The following PRSS23 variants were observed in gnomAD, a reference collection of about 807,000 sequenced individuals.
PRSS23 encodes the protein serine protease 23.
PRSS23 carries 25 observed loss-of-function variants against 34.7 expected under a neutral mutation model. The observed-to-expected ratio is 0.72, with a 90% CI of 0.53 to 1.01. The LOEUF (loss-of-function observed/expected upper bound fraction) is 1.01. PRSS23 is among the 50% of genes least tolerant of loss of function. The pLI is 0.00. For missense variants in PRSS23, 445 were observed against 475.6 expected, an observed-to-expected ratio of 0.94 and a Z score of 0.60; for synonymous variants, 176 against 186.6, an observed-to-expected ratio of 0.94 and a Z score of 0.46.
chr11:86,902,083 G>A (rs1024198563), intron 2 of PRSS23, among the ~76,000 whole-genome samples: 8 of 152,132 alleles, frequency 5.3e-5, no homozygotes, highest in Non-Finnish European at 7.3e-5. Flanking sequence ...TCTACTGAAT[G>A]TCTACATAGA....
intron 2 of PRSS23, chr11:86,836,878 A>T (rs2005192): frequency 0.19 from 28,911 of 152,220 alleles, 3,083 homozygotes; most frequent in East Asian, 0.46. Flanking sequence ...GTAAACCAAC[A>T]CCCAGAACTG....
rs536098256 is a variant in PRSS23, at chr11:86,868,843, A to G, written c.206+45250A>G. 8.9e-4 allele frequency among the ~76,000 whole-genome samples: 135 copies of G among 152,082 alleles called. 2 individuals carry two copies. The highest frequency in any genetic ancestry group is 1.1e-3 in the Non-Finnish European group (74 of 68,018). The stretch of plus-strand genomic sequence containing the variant: ...CTGTTTGTTTTTGAGACAGTGTGTC[A>G]CCCTGTCACCCAGGCTGAAGTGCAG... On this transcript the variant is annotated intron_variant, in intron 2 of 2. Transcript: ENST00000533902.
chr11:86,915,704 A>G (rs2134997966), intron 2 of PRSS23, among the ~76,000 whole-genome samples: 1 of 152,056 alleles, frequency 6.6e-6, no homozygotes, highest in East Asian at 1.9e-4. Flanking sequence ...TTGACCAACT[A>G]AATTATAGAG....
chr11:86,856,388 G>A (rs1472038737), intron 2 of PRSS23, among the ~76,000 whole-genome samples: 1 of 151,140 alleles, frequency 6.6e-6, no homozygotes, highest in African/African-American at 2.4e-5. Context: ...CAGGTAATGA[G>A]ACCCAGGCCT....
At chr11:86,874,508 C>A (rs1948709539) in intron 2 of PRSS23, among the ~76,000 whole-genome samples, 1 of 152,192 alleles carries the variant, frequency 6.6e-6, no homozygotes. Context: ...GACCATCCGC[C>A]AGTCATGCTG....
At position 86,881,167 on chromosome 11, in the gene PRSS23, T is replaced by C. The variant is rs572318839; in HGVS notation, c.206+57574T>C. ...AGTCTTTCACCTATTAAGTAGGATATTAACTGTGAGTTTTTGCTAGATTTC... is the reference window on the plus strand; with the variant it reads ...AGTCTTTCACCTATTAAGTAGGATACTAACTGTGAGTTTTTGCTAGATTTC... On this transcript the variant is annotated intron_variant, in intron 2 of 2. Coordinates refer to the PRSS23 transcript ENST00000533902. 5.3e-5 allele frequency among the ~76,000 whole-genome samples: 8 copies of C among 152,232 alleles called. No homozygotes were observed. The South Asian group carries it at 1.7e-3, about 32-fold the overall frequency.
chr11:86,873,697 A>C (rs1439168158), intron 2 of PRSS23, among the ~76,000 whole-genome samples: 1 of 152,168 alleles, frequency 6.6e-6, no homozygotes, highest in Non-Finnish European at 1.5e-5. Flanking sequence ...AAAGTAAGTA[A>C]ACACCTCACT....
chr11:86,906,002 A>ATT (rs57066770), intron 2 of PRSS23, among the ~76,000 whole-genome samples: 24,802 of 149,974 alleles, frequency 0.17, 2,221 homozygotes, highest in African/African-American at 0.24. Context: ...TCACTCATTC[A>ATT]CTCATTCATT....
At chr11:86,888,865 T>C (rs1378201652) in intron 2 of PRSS23, among the ~76,000 whole-genome samples, 3 of 152,264 alleles carry the variant, frequency 2.0e-5, no homozygotes, top group African/African-American at 7.2e-5. Context: ...AAAAGTTTTC[T>C]GGTTCCTAGC....
intron 2 of PRSS23, among the ~76,000 whole-genome samples, chr11:86,929,711 T>G (rs1168807578): frequency 6.6e-6 from 1 of 152,238 alleles, no homozygotes; most frequent in African/African-American, 2.4e-5. Flanking sequence ...CTTCAAGTGT[T>G]CTCACACTCA....
chr11:86,807,574 G>A, intron 1 of PRSS23, 57 bp from the exon 2 acceptor site: 2 of 1,432,594 alleles, frequency 1.4e-6, no homozygotes, highest in Non-Finnish European at 1.9e-6. Context: ...TTTGCTGTCT[G>A]CAGTAAATGA....
upstream of PRSS23, among the ~76,000 whole-genome samples, chr11:86,796,155 G>T (rs988264373): frequency 3.9e-5 from 6 of 152,150 alleles, no homozygotes; most frequent in Non-Finnish European, 8.8e-5. Context: ...TTATTGTCAG[G>T]ACGGGAAAAG....
intron 2 of PRSS23, among the ~76,000 whole-genome samples, chr11:86,843,393 A>G (rs1299863887): frequency 3.3e-5 from 5 of 152,218 alleles, no homozygotes; most frequent in East Asian, 3.8e-4. Context: ...ACCAAAAGCA[A>G]TGGCAACAAA....
rs117587471 is a variant in PRSS23 at position 86,868,306 on chromosome 11, T to G, written c.206+44713T>G. 6.6e-3 allele frequency among the ~76,000 whole-genome samples: 999 copies of G among 152,304 alleles called. 4 individuals carry two copies. The highest frequency in any genetic ancestry group is 0.01 in the Middle Eastern group (3 of 292). On this transcript the variant is annotated intron_variant, in intron 2 of 2. Transcript: ENST00000533902. ...CCTTGAGTGAGAAAGAGAAAACTGT[T>G]CTTCATCTCCTTCTGGGTTCCATGT... is the stretch of plus-strand genomic sequence containing the variant.
chr11:86,826,280 T>C (rs917392608), intron 2 of PRSS23, among the ~76,000 whole-genome samples: 8 of 151,720 alleles, frequency 5.3e-5, no homozygotes, highest in Non-Finnish European at 1.5e-5. Flanking sequence ...CACTCATGAT[T>C]TGGCTCTCTG....
chr11:86,874,776 C>T (rs113057380), intron 2 of PRSS23, among the ~76,000 whole-genome samples: 2 of 152,184 alleles, frequency 1.3e-5, no homozygotes, highest in African/African-American at 4.8e-5. Flanking sequence ...TGGCTTATCT[C>T]TGCTCCACAA....
intron 2 of PRSS23, among the ~76,000 whole-genome samples, chr11:86,899,287 AG>A (rs1419535512): frequency 3.9e-5 from 6 of 152,200 alleles, no homozygotes; most frequent in Middle Eastern, 3.4e-3. Flanking sequence ...GGGAGGCTGA[AG>A]GGGGCAGATT....
chr11:86,950,244 A>G (rs1949278468), intron 2 of PRSS23: 1 of 152,664 alleles, frequency 6.6e-6, no homozygotes, highest in Non-Finnish European at 1.5e-5. Context: ...CCCACTGCTC[A>G]ATGCAATAGG....
chr11:86,907,550 C>T (rs1948951677), intron 2 of PRSS23, among the ~76,000 whole-genome samples: 1 of 152,102 alleles, frequency 6.6e-6, no homozygotes, highest in South Asian at 2.1e-4. Flanking sequence ...CCTGCAGCCT[C>T]TTGGGCTCTA....
Sources: gnomAD v4.1 joint callset for allele counts (sites outside exome capture counted in the v4.1 genomes callset) on GRCh38, gnomAD v4.1.1 for gene constraint, MANE v1.5 for transcripts, NCBI Gene and HGNC (gene_info 2026-07-23, HGNC 2026-07-21) for gene names.